Variants in SCAF4 observed in about 807,000 individuals in gnomAD.
The protein encoded by SCAF4 is SR-related and CTD-associated factor 4.
Under a neutral mutation model 129.8 loss-of-function variants are expected in SCAF4, and 25 were observed. The observed-to-expected ratio is 0.19, with a 90% CI of 0.14 to 0.27. SCAF4 has a LOEUF of 0.27. SCAF4 is among the 10% of genes least tolerant of loss of function. The pLI, the probability that SCAF4 is intolerant of heterozygous loss-of-function variation, is 1.00. For synonymous variants in SCAF4, 551 were observed against 497.7 expected (o/e 1.11, Z -1.43); for missense variants, 1,246 against 1,457.1 (o/e 0.86, Z 2.36).
Position 31,690,649 on chromosome 21 carries a change from C to T in SCAF4, c.1885+148G>A, listed in dbSNP as rs902075551. ...TCTTTTGTCTCATTCACTATTTAACCCTCAGTTTATAATGGAGATACTGAC... is the reference window on the plus strand; with the variant it reads ...TCTTTTGTCTCATTCACTATTTAACTCTCAGTTTATAATGGAGATACTGAC... On this transcript the variant is annotated intron_variant, in intron 15 of 19. Transcript: ENST00000286835. The T allele has an allele frequency of 2.6e-5, 16 of 612,958 alleles. No individual in the cohort carries two copies. In the East Asian group the frequency reaches 3.8e-4, roughly 15 times the overall value. The allele number at this position is 612,958 out of a possible 1,614,324, so 38.0% of individuals were successfully genotyped here.
chr21:31,732,106 C>G lies in SCAF4; in HGVS notation c.-414G>C. 2.5e-6 allele frequency: 1 copy of G among 403,776 alleles called. No individual in the cohort carries two copies. Among genetic ancestry groups the G allele is most frequent in the Non-Finnish European group, 4.3e-6 (1 of 230,428 alleles). The allele number at this position is 403,776 out of a possible 1,614,324, so 25.0% of individuals were successfully genotyped here. A position where few individuals can be genotyped will look rare whatever the true frequency, so the allele number is the denominator to read the frequency against. On this transcript the variant is annotated 5_prime_UTR_variant, in exon 1 of 20. Transcript: ENST00000286835. Reference sequence around the variant, plus strand: ...GCGGCAGCGGCCCGAGTCCACGCCGCGCGGGGCACCCTGGGACGGCTCAGG... The same window carrying G: ...GCGGCAGCGGCCCGAGTCCACGCCGGGCGGGGCACCCTGGGACGGCTCAGG...
At position 31,701,024 on chromosome 21, in the gene SCAF4, G is replaced by T. The variant is rs772938632; in HGVS notation, c.748C>A (p.Pro250Thr). 1 of 1,614,046 alleles carries T rather than the reference G, an allele frequency of 6.2e-7. No homozygotes were observed. Among genetic ancestry groups the T allele is most frequent in the East Asian group, 2.2e-5 (1 of 44,870 alleles). ...TCAAATGCAGTTTTCTGTTCAGGTG[G>T]GGGGAAAGCAGCTTTTTGTTCAGAT... The part of the protein sequence containing the change: ...QPSEQKAAFP[P>T]PEQKTAFDKK... The change falls in exon 7 of 20, where the codon CCA becomes ACA. Residue 250 changes from proline to threonine, a missense_variant. Pro to Thr is a conservative substitution (Grantham distance 38, BLOSUM62 -1). Coordinates refer to ENST00000286835, the MANE Select transcript of SCAF4 (RefSeq NM_020706.2).
At chr21:31,726,645 A>G (rs1488734533) in intron 1 of SCAF4, among the ~76,000 whole-genome samples, 2 of 152,196 alleles carry the variant, frequency 1.3e-5, no homozygotes, top group Non-Finnish European at 1.5e-5. Context: ...AGTCTGGGCC[A>G]CAGAGCCAGA....
At chr21:31,718,899 A>G (rs182345502) in intron 1 of SCAF4, among the ~76,000 whole-genome samples, 1 of 152,350 alleles carries the variant, frequency 6.6e-6, no homozygotes, top group Admixed American at 6.5e-5. Flanking sequence ...TGTTTTACCA[A>G]ATAAACACAT....
At position 31,680,936 on chromosome 21, in the gene SCAF4, G is replaced by C. The variant is rs188282449; in HGVS notation, c.2488+4113C>G. Reference sequence around the variant, plus strand: ...ATAACGATAGCATAAAAACATTTGCGCTTGTTTAAATATAATTCACAAACC... The same window carrying C: ...ATAACGATAGCATAAAAACATTTGCCCTTGTTTAAATATAATTCACAAACC... On this transcript the variant is annotated intron_variant, in intron 19 of 19. Transcript: ENST00000286835. Among the ~76,000 whole-genome samples, 14 of 152,236 alleles carry C rather than the reference G, an allele frequency of 9.2e-5. No individual in the cohort carries two copies. The East Asian group carries it at 2.7e-3, about 29-fold the overall frequency.
chr21:31,680,858 T>C (rs2123482741), intron 19 of SCAF4, among the ~76,000 whole-genome samples: 1 of 152,288 alleles, frequency 6.6e-6, no homozygotes, highest in East Asian at 1.9e-4. Flanking sequence ...AAAATCAAAT[T>C]CCTATTGATA....
chr21:31,726,656 C>T (rs1208427329), intron 1 of SCAF4, among the ~76,000 whole-genome samples: 2 of 151,990 alleles, frequency 1.3e-5, no homozygotes, highest in Non-Finnish European at 2.9e-5. Context: ...CAGAGCCAGA[C>T]CCTGTCTCAA....
intron 7 of SCAF4, among the ~76,000 whole-genome samples, chr21:31,699,348 T>C (rs2050463049): frequency 6.6e-6 from 1 of 152,202 alleles, no homozygotes; most frequent in African/African-American, 2.4e-5. Flanking sequence ...GGAGTTTTCC[T>C]AATCACAACA....
At chr21:31,712,895 G>C (rs1253348677) in intron 1 of SCAF4, 1 of 970,542 alleles carries the variant, frequency 1.0e-6, no homozygotes, top group Admixed American at 6.2e-5. Context: ...AGCATGAAAT[G>C]AAAGCATCTA....
intron 2 of SCAF4, 53 bp downstream of exon 2, chr21:31,706,221 A>C: frequency 8.3e-7 from 1 of 1,210,154 alleles, no homozygotes; most frequent in Non-Finnish European, 1.2e-6. Flanking sequence ...AAAAGTAATA[A>C]ATATTTTCAA....
chr21:31,682,429 G>A (rs1442544313), intron 19 of SCAF4, among the ~76,000 whole-genome samples: 3 of 151,322 alleles, frequency 2.0e-5, no homozygotes, highest in Non-Finnish European at 4.4e-5. Flanking sequence ...AGTTTAAAAC[G>A]AATCACAGAT....
At chr21:31,686,453 T>C (rs1195038108) in intron 16 of SCAF4, among the ~76,000 whole-genome samples, 1 of 152,180 alleles carries the variant, frequency 6.6e-6, no homozygotes, top group East Asian at 1.9e-4. Flanking sequence ...CCACCCGCTT[T>C]AGTTAGCTGT....
intron 1 of SCAF4, among the ~76,000 whole-genome samples, chr21:31,708,018 T>C (rs2050708542): frequency 6.6e-6 from 1 of 152,246 alleles, no homozygotes; most frequent in South Asian, 2.1e-4. Context: ...TTCTTCATTG[T>C]ATTACTTCAT....
chr21:31,672,918 T>C (rs903135753), intron 19 of SCAF4, among the ~76,000 whole-genome samples: 1 of 152,230 alleles, frequency 6.6e-6, no homozygotes, highest in Admixed American at 6.5e-5. Context: ...GTGCATCAAA[T>C]AAACACTAAT....
At chr21:31,727,032 CA>C (rs1418084408) in intron 1 of SCAF4, among the ~76,000 whole-genome samples, 1 of 152,048 alleles carries the variant, frequency 6.6e-6, no homozygotes, top group Admixed American at 6.6e-5. Flanking sequence ...AAAATAGTAA[CA>C]ACTGTATATT....
At position 31,701,239 on chromosome 21, in the gene SCAF4, TAAA is replaced by T. The variant is rs1025291572; in HGVS notation, c.601-71_601-69del. ...ATCATACTATCAAAAGTTAATTTAA[TAAA>T]AAAATGTCTTAAAGGTGATTCAAAG... is the stretch of plus-strand genomic sequence containing the variant. On this transcript the variant is annotated intron_variant, in intron 6 of 19. Transcript: ENST00000286835. 3.1e-5 allele frequency: 43 copies of T among 1,375,682 alleles called. No individual in the cohort carries two copies. In the South Asian group the frequency reaches 6.4e-4, roughly 21 times the overall value. The allele number at this position is 1,375,682 out of a possible 1,614,324, so 85.2% of individuals were successfully genotyped here.
rs1032138227 is a variant in SCAF4 at position 31,684,837 on chromosome 21, C to T, written c.2488+212G>A. 6 of 549,744 alleles carry T rather than the reference C, an allele frequency of 1.1e-5. No individual in the cohort carries two copies. In the African/African-American group the frequency reaches 1.1e-4, roughly 10 times the overall value. The allele number at this position is 549,744 out of a possible 1,614,324, so 34.1% of individuals were successfully genotyped here. ...AACATGATTTTGTCTTTGAGATTCTCTCTTGGTAAAGATCAAGTACACATA... is the reference window on the plus strand; with the variant it reads ...AACATGATTTTGTCTTTGAGATTCTTTCTTGGTAAAGATCAAGTACACATA... On this transcript the variant is annotated intron_variant, in intron 19 of 19. Transcript: ENST00000286835.
At chr21:31,687,356 G>A (rs2050150196) in intron 16 of SCAF4, among the ~76,000 whole-genome samples, 1 of 152,056 alleles carries the variant, frequency 6.6e-6, no homozygotes, top group African/African-American at 2.4e-5. Flanking sequence ...TAACACATGA[G>A]GAATGCCAAA....
Position 31,692,138 on chromosome 21 carries a change from A to T in SCAF4, c.1615-208T>A, listed in dbSNP as rs75566353. ...TAAAGACTTACCTAGAAATGTTTGA[A>T]ATTAAACTTGGTTATCCAAGAAATG... is the stretch of plus-strand genomic sequence containing the variant. On this transcript the variant is annotated intron_variant, in intron 13 of 19. Coordinates refer to ENST00000286835, the MANE Select transcript of SCAF4 (RefSeq NM_020706.2). 3.0e-5 allele frequency: 18 copies of T among 592,094 alleles called. No homozygotes were observed. The East Asian group carries it at 5.0e-4, about 16-fold the overall frequency. The allele number at this position is 592,094 out of a possible 1,614,324, so 36.7% of individuals were successfully genotyped here.
Sources: gnomAD v4.1 joint callset for allele counts (sites outside exome capture counted in the v4.1 genomes callset) on GRCh38, gnomAD v4.1.1 for gene constraint, MANE v1.5 for transcripts, NCBI Gene and HGNC (gene_info 2026-07-23, HGNC 2026-07-21) for gene names.